The following KDM6A variants were observed in gnomAD, a reference collection of about 807,000 sequenced individuals.
KDM6A encodes the protein lysine-specific demethylase 6A.
KDM6A carries 11 observed loss-of-function variants against 117.6 expected under a neutral mutation model. The ratio of observed to expected loss-of-function variants is 0.09; its 90% CI spans 0.06 to 0.15. KDM6A has a LOEUF of 0.15. Ranked by LOEUF, KDM6A falls within the 10% of genes least tolerant of loss-of-function variation. The pLI is 1.00. For missense variants in KDM6A, 799 were observed against 1,077.3 expected (o/e 0.74, Z 3.62); for synonymous variants, 384 against 396.1 (o/e 0.97, Z 0.36).
rs1416982652 is a variant in KDM6A, at chrX:44,873,722, G to A, written c.161+10G>A. ...TCGGCGGACTGGACAGGTACGGGCC[G>A]CCGTCACTCGCCCGGTCGGCTCCGG... is the stretch of plus-strand genomic sequence containing the variant. On this transcript the variant is annotated intron_variant, in intron 1 of 29. Transcript: ENST00000611820. 2.6e-6 allele frequency: 3 copies of A among 1,162,748 alleles called. No individual in the cohort carries two copies. The highest frequency in any genetic ancestry group is 2.6e-5 in the Admixed American group (1 of 38,642).
At chrX:45,031,979 CTT>C (rs201305534) in intron 6 of KDM6A, among the ~76,000 whole-genome samples, 4,166 of 110,567 alleles carry the variant, frequency 0.038, 210 homozygotes, top group African/African-American at 0.13. Flanking sequence ...ATGAATCAAA[CTT>C]TGCGTTAAAT....
At chrX:45,020,960 A>C (rs772237202) in intron 6 of KDM6A, among the ~76,000 whole-genome samples, 1 of 111,710 alleles carries the variant, frequency 9.0e-6, no homozygotes, top group Admixed American at 9.5e-5. Context: ...ACACTTTAAA[A>C]AAATAGTTTT....
intron 5 of KDM6A, 69 bp from the exon 6 acceptor site, chrX:45,020,541 A>T (rs989441464): frequency 9.4e-7 from 1 of 1,058,248 alleles, no homozygotes; most frequent in Non-Finnish European, 1.3e-6. Flanking sequence ...AGAAGTTTCA[A>T]TGTACTACCA....
chrX:45,090,610 GTT>G, intron 26 of KDM6A, 111 bp from the exon 27 acceptor site: 1 of 773,298 alleles, frequency 1.3e-6, no homozygotes, highest in Admixed American at 3.0e-5. Context: ...TTTTTATAGT[GTT>G]TTGAGGTTTT....
chrX:45,006,170 C>A (rs959621763), intron 4 of KDM6A, among the ~76,000 whole-genome samples: 3 of 88,786 alleles, frequency 3.4e-5, no homozygotes, highest in Non-Finnish European at 6.7e-5. Flanking sequence ...TGCGCCCCCC[C>A]CCGCCGCCAT....
intron 21 of KDM6A, among the ~76,000 whole-genome samples, chrX:45,081,328 A>G (rs1331702934): frequency 8.9e-6 from 1 of 112,407 alleles, no homozygotes; most frequent in Non-Finnish European, 1.9e-5. Flanking sequence ...AATGGAAGCC[A>G]AAGGTCAGAA....
rs763448822 is a variant in KDM6A at position 44,951,407 on chromosome X, T to C, written c.226-9877T>C. ...CCACACTTAGTCTGAACTGGTGTAT[T>C]ATTTTATACATATACATATGTATAT... is the stretch of plus-strand genomic sequence containing the variant. On this transcript the variant is annotated intron_variant, in intron 2 of 29. Transcript: ENST00000611820. 1.3e-4 allele frequency among the ~76,000 whole-genome samples: 15 copies of C among 111,912 alleles called. No homozygotes were observed. The South Asian group carries it at 5.5e-3, about 41-fold the overall frequency.
chrX:44,957,888 A>C (rs2038430408), intron 2 of KDM6A, among the ~76,000 whole-genome samples: 1 of 111,950 alleles, frequency 8.9e-6, no homozygotes, highest in Admixed American at 9.5e-5. Context: ...CTAGGTCTGT[A>C]CTGTCCAGTA....
At chrX:44,954,262 T>A (rs1030258123) in intron 2 of KDM6A, among the ~76,000 whole-genome samples, 1 of 111,125 alleles carries the variant, frequency 9.0e-6, no homozygotes, top group Non-Finnish European at 1.9e-5. Context: ...AGGAAGAATT[T>A]CCTTCTGATT....
chrX:44,994,120 T>C (rs942536681), intron 4 of KDM6A, among the ~76,000 whole-genome samples: 3 of 112,201 alleles, frequency 2.7e-5, no homozygotes, highest in African/African-American at 6.5e-5. Flanking sequence ...ATTTGAAATA[T>C]ACTCTCATCA....
At chrX:45,086,025 G>T in intron 25 of KDM6A, 46 bp downstream of exon 25, 1 of 808,245 alleles carries the variant, frequency 1.2e-6, no homozygotes. Flanking sequence ...TTAGAAAGCA[G>T]TAATTGTAAA....
chrX:45,060,622 A>G lies in KDM6A; in HGVS notation c.1343A>G (p.His448Arg). Residue 448 changes from histidine to arginine, a missense_variant, in exon 14 of 30, where the codon CAT becomes CGT. By Grantham distance (29) the His-to-Arg change is conservative. Coordinates refer to ENST00000611820, the MANE Select transcript of KDM6A (RefSeq NM_001291415.2). ...TGTGATTCTTAGGCATGTAAACCTC[A>G]TCATCCAAATACTGAACCTGTATTA... is the stretch of plus-strand genomic sequence containing the variant. ...MNTAQQACKPHHPNTEPVLGL... is the reference protein window; with the variant it reads ...MNTAQQACKPRHPNTEPVLGL... 1 of 1,064,474 alleles carries G rather than the reference A, an allele frequency of 9.4e-7. No homozygotes were observed. The highest frequency in any genetic ancestry group is 1.2e-6 in the Non-Finnish European group (1 of 807,824). The allele number at this position is 1,064,474 out of a possible 1,213,427, so 87.7% of individuals were successfully genotyped here. A position where few individuals can be genotyped will look rare whatever the true frequency, so the allele number is the denominator to read the frequency against.
At chrX:44,991,354 T>G (rs914826663) in intron 4 of KDM6A, among the ~76,000 whole-genome samples, 2 of 110,179 alleles carry the variant, frequency 1.8e-5, no homozygotes, top group African/African-American at 6.6e-5. Flanking sequence ...TCTTTCTCTT[T>G]CTCTCTTTTT....
intron 2 of KDM6A, among the ~76,000 whole-genome samples, chrX:44,926,759 T>G (rs763398661): frequency 8.9e-6 from 1 of 111,954 alleles, no homozygotes; most frequent in Non-Finnish European, 1.9e-5. Context: ...CCCTCTAGTA[T>G]TATTCATTTG....
intron 8 of KDM6A, among the ~76,000 whole-genome samples, chrX:45,050,942 C>T (rs2043814924): frequency 9.0e-6 from 1 of 111,096 alleles, no homozygotes; most frequent in South Asian, 3.7e-4. Context: ...GAAACTGTAT[C>T]TTTAAAATTT....
At chrX:44,986,549 G>A (rs1323194176) in intron 4 of KDM6A, among the ~76,000 whole-genome samples, 1 of 111,594 alleles carries the variant, frequency 9.0e-6, no homozygotes, top group Admixed American at 9.5e-5. Context: ...TGGGCATTTA[G>A]TGCTATAAAT....
At chrX:44,937,499 TATC>T (rs2147006415) in intron 2 of KDM6A, among the ~76,000 whole-genome samples, 1 of 111,860 alleles carries the variant, frequency 8.9e-6, no homozygotes, top group South Asian at 3.7e-4. Context: ...CTATTATGAT[TATC>T]ATTGATCAGT....
At chrX:44,879,413 G>A (rs897206629) in intron 2 of KDM6A, among the ~76,000 whole-genome samples, 5 of 112,064 alleles carry the variant, frequency 4.5e-5, no homozygotes, top group African/African-American at 1.3e-4. Context: ...GGACTCACAT[G>A]TATTATTTGT....
At chrX:45,017,257 C>A (rs2042006212) in intron 5 of KDM6A, among the ~76,000 whole-genome samples, 1 of 111,671 alleles carries the variant, frequency 9.0e-6, no homozygotes, top group Non-Finnish European at 1.9e-5. Context: ...TTCTCATGTT[C>A]TAAAATTCCA....
Sources: allele counts gnomAD v4.1 joint callset (sites outside exome capture counted in the v4.1 genomes callset), GRCh38; gene constraint gnomAD v4.1.1; transcripts MANE v1.5; gene names NCBI Gene and HGNC (gene_info 2026-07-23, HGNC 2026-07-21).